The following RB1 variants were observed in gnomAD, a reference collection of about 807,000 sequenced individuals.
RB1 encodes the protein retinoblastoma-associated protein.
A neutral mutation model predicts 135.4 loss-of-function variants in RB1; 18 were observed. That is an observed-to-expected ratio of 0.13 (90% confidence interval 0.09 to 0.20). RB1 has a LOEUF of 0.20. Ranked by LOEUF, RB1 falls within the 10% of genes least tolerant of loss-of-function variation. The pLI is 1.00. For synonymous variants in RB1, 365 were observed against 373.2 expected, an observed-to-expected ratio of 0.98 and a Z score of 0.25; for missense variants, 868 against 1,110.0, an observed-to-expected ratio of 0.78 and a Z score of 3.10.
chr13:48,479,828 G>A (rs1949526813), intron 26 of RB1, among the ~76,000 whole-genome samples, 170 bp from the exon 27 acceptor site: 2 of 152,154 alleles, frequency 1.3e-5, no homozygotes, highest in Non-Finnish European at 2.9e-5. Context: ...GAAATATGCA[G>A]TAAATTAACT....
chr13:48,316,944 C>T (rs1952189514), intron 2 of RB1: 2 of 365,156 alleles, frequency 5.5e-6, no homozygotes, highest in Non-Finnish European at 1.1e-5. Context: ...GGCGTGCCCG[C>T]CCAAGGTGCC....
chr13:48,423,370 G>GT (rs1298326033), intron 17 of RB1, among the ~76,000 whole-genome samples: 1 of 151,846 alleles, frequency 6.6e-6, no homozygotes, highest in Non-Finnish European at 1.5e-5. Context: ...CGCAGGTTGG[G>GT]TTTTTTCACT....
intron 17 of RB1, chr13:48,411,225 T>C: frequency 1.6e-6 from 1 of 611,528 alleles, no homozygotes; most frequent in Non-Finnish European, 2.9e-6. Context: ...AAAATACATG[T>C]TAATGCTTAA....
chr13:48,461,951 G>C (rs941038931), intron 20 of RB1, among the ~76,000 whole-genome samples: 1 of 152,116 alleles, frequency 6.6e-6, no homozygotes, highest in Non-Finnish European at 1.5e-5. Flanking sequence ...TTCTGCCTCA[G>C]CCTCCTGAGT....
chr13:48,336,091 G>A (rs34802393), intron 2 of RB1, among the ~76,000 whole-genome samples: 9,345 of 152,036 alleles, frequency 0.061, 909 homozygotes, highest in African/African-American at 0.2. Flanking sequence ...ATGCTGCATA[G>A]AGGTCTTTCT....
chr13:48,428,414 T>C (rs1439108942), intron 17 of RB1, among the ~76,000 whole-genome samples: 40 of 135,434 alleles, frequency 3.0e-4, no homozygotes, highest in Middle Eastern at 4.0e-3. Context: ...ACCTCCAGCA[T>C]TGGGGAGCAC....
At chr13:48,356,047 A>G (rs1046960501) in intron 6 of RB1, among the ~76,000 whole-genome samples, 2 of 152,090 alleles carry the variant, frequency 1.3e-5, no homozygotes, top group Non-Finnish European at 2.9e-5. Context: ...ACATTTTAAA[A>G]TAACTTAAAG....
chr13:48,319,335 T>C lies in RB1; in HGVS notation c.264+11929T>C. 1 of 537,588 alleles carries C rather than the reference T, an allele frequency of 1.9e-6. No individual in the cohort carries two copies. Among genetic ancestry groups the C allele is most frequent in the South Asian group, 1.8e-5 (1 of 55,410 alleles). The allele number at this position is 537,588 out of a possible 1,614,324, so 33.3% of individuals were successfully genotyped here. A position where few individuals can be genotyped will look rare whatever the true frequency, so the allele number is the denominator to read the frequency against. On this transcript the variant is annotated intron_variant, in intron 2 of 26. Transcript: ENST00000267163. This position sits in a 1 kb window ranked among gnomAD's most constrained non-coding sequence, Gnocchi z 5.0. Reference sequence around the variant, plus strand: ...CTGGGCCCTCTGGGGCAGGTCCCCGTTGGCCTCCTTGCGTGTTTGCCGCAG... The same window carrying C: ...CTGGGCCCTCTGGGGCAGGTCCCCGCTGGCCTCCTTGCGTGTTTGCCGCAG...
chr13:48,320,423 C>G (rs1952224482), intron 2 of RB1: 2 of 1,086,128 alleles, frequency 1.8e-6, no homozygotes, highest in Non-Finnish European at 2.8e-6. Flanking sequence ...GGGCCAAAGG[C>G]CTCCCATTTG....
At chr13:48,309,265 A>C (rs1290691853) in intron 2 of RB1, among the ~76,000 whole-genome samples, 2 of 152,208 alleles carry the variant, frequency 1.3e-5, no homozygotes, top group Non-Finnish European at 2.9e-5. Flanking sequence ...ACTTTTAATG[A>C]ATTTACTTTC....
intron 17 of RB1, among the ~76,000 whole-genome samples, chr13:48,382,729 T>C: frequency 6.6e-6 from 1 of 152,250 alleles, no homozygotes; most frequent in Non-Finnish European, 1.5e-5. Flanking sequence ...TTGGCTTTTG[T>C]TGCTATTGCT....
intron 17 of RB1, among the ~76,000 whole-genome samples, chr13:48,392,638 C>T (rs967776971): frequency 6.6e-6 from 1 of 151,808 alleles, no homozygotes; most frequent in African/African-American, 2.4e-5. Flanking sequence ...TATGTTTATG[C>T]TTTTCTTTAC....
chr13:48,454,793 C>A (rs1470708202), intron 18 of RB1, among the ~76,000 whole-genome samples: 1 of 152,164 alleles, frequency 6.6e-6, no homozygotes, highest in African/African-American at 2.4e-5. Context: ...GCATTCCAGG[C>A]AGAACAAACA....
chr13:48,433,419 G>A (rs993030166), intron 17 of RB1, among the ~76,000 whole-genome samples: 1 of 151,906 alleles, frequency 6.6e-6, no homozygotes, highest in African/African-American at 2.4e-5. Flanking sequence ...AAGAGAATTG[G>A]GATTCTGTTG....
At chr13:48,362,368 A>G (rs1165746268) in intron 7 of RB1, among the ~76,000 whole-genome samples, 1 of 151,886 alleles carries the variant, frequency 6.6e-6, no homozygotes, top group African/African-American at 2.4e-5. Flanking sequence ...ACTATAATAT[A>G]TTTTATACCT....
intron 17 of RB1, chr13:48,416,431 A>C (rs1050055066): frequency 6.6e-6 from 1 of 152,308 alleles, no homozygotes; most frequent in Non-Finnish European, 1.5e-5. Flanking sequence ...TGATCTTCAC[A>C]ACCCTTAGAC....
rs1385919798 is a variant in RB1 at position 48,381,506 on chromosome 13, T to C, written c.1695+63T>C. The stretch of plus-strand genomic sequence containing the variant: ...CATATGGCTAACAAATTATTGTTAG[T>C]GAGAGGTGTTTCTTAACATCTACCT... On this transcript the variant is annotated intron_variant, in intron 17 of 26. Coordinates refer to ENST00000267163, the MANE Select transcript of RB1 (RefSeq NM_000321.3). 2.1e-6 allele frequency: 3 copies of C among 1,458,698 alleles called. No homozygotes were observed. In the Admixed American group the frequency reaches 5.2e-5, roughly 25 times the overall value. 90.4% of individuals were successfully genotyped at this position (1,458,698 alleles called of 1,614,324 possible). A position where few individuals can be genotyped will look rare whatever the true frequency, so the allele number is the denominator to read the frequency against.
At chr13:48,370,200 T>A (rs1220234507) in intron 11 of RB1, among the ~76,000 whole-genome samples, 1 of 152,152 alleles carries the variant, frequency 6.6e-6, no homozygotes, top group Non-Finnish European at 1.5e-5. Context: ...AGGGCTGGAA[T>A]TGTGAAACAT....
At chr13:48,476,558 T>C (rs1216362894) in intron 24 of RB1, 143 bp from the exon 25 acceptor site, 16 of 795,782 alleles carry the variant, frequency 2.0e-5, no homozygotes, top group Non-Finnish European at 3.0e-5. Context: ...TCATATCTTT[T>C]ATTTGGTCCA....
Sources: allele counts gnomAD v4.1 joint callset (sites outside exome capture counted in the v4.1 genomes callset), GRCh38; gene constraint gnomAD v4.1.1; non-coding constraint Gnocchi (gnomAD v3.1); transcripts MANE v1.5; gene names NCBI Gene and HGNC (gene_info 2026-07-23, HGNC 2026-07-21).